Variants in PLXDC2 observed in about 807,000 individuals in gnomAD.
PLXDC2 encodes the protein plexin domain-containing protein 2.
PLXDC2 carries 40 observed loss-of-function variants against 68.9 expected under a neutral mutation model. The observed-to-expected ratio is 0.58, with a 90% CI of 0.45 to 0.76. The LOEUF (loss-of-function observed/expected upper bound fraction) is 0.76, where lower values mean the gene tolerates loss of function less well. Among genes scored for constraint, PLXDC2 ranks in the 30% least tolerant of loss-of-function variants. The probability of loss-of-function intolerance (pLI) is 0.00; values close to 1 mark genes in which losing one functional copy is unlikely to be tolerated. For missense variants in PLXDC2, 644 were observed against 661.9 expected (o/e 0.97, Z 0.30); for synonymous variants, 243 against 234.2 (o/e 1.04, Z -0.34).
At chr10:20,158,501 CA>C (rs59079629) in intron 6 of PLXDC2, among the ~76,000 whole-genome samples, 521 of 118,662 alleles carry the variant, frequency 4.4e-3, no homozygotes, top group African/African-American at 0.015. Context: ...TCTGTCTCTG[CA>C]AAAAAAAAAA....
At chr10:20,103,503 A>G (rs1385057423) in intron 4 of PLXDC2, among the ~76,000 whole-genome samples, 1 of 152,114 alleles carries the variant, frequency 6.6e-6, no homozygotes, top group Non-Finnish European at 1.5e-5. Flanking sequence ...AGTTTTAACA[A>G]ACCATTAAAA....
At chr10:20,122,936 C>T (rs566707053) in intron 4 of PLXDC2, among the ~76,000 whole-genome samples, 127 of 152,238 alleles carry the variant, frequency 8.3e-4, no homozygotes, top group African/African-American at 3.0e-3. Flanking sequence ...GGGTTGCTGC[C>T]AAACGAGTCA....
At chr10:20,014,679 G>GTATT (rs1479090718) in intron 2 of PLXDC2, among the ~76,000 whole-genome samples, 1 of 152,114 alleles carries the variant, frequency 6.6e-6, no homozygotes, top group Non-Finnish European at 1.5e-5. Context: ...GATTTAGAAT[G>GTATT]TATTTAATAG....
intron 1 of PLXDC2, among the ~76,000 whole-genome samples, chr10:19,979,809 G>A (rs567964201): frequency 2.6e-5 from 4 of 152,320 alleles, no homozygotes; most frequent in Admixed American, 1.3e-4. Context: ...GGTAATGTGA[G>A]CTTCATCTTC....
intron 1 of PLXDC2, among the ~76,000 whole-genome samples, chr10:19,892,082 G>C (rs1026641592): frequency 6.6e-6 from 1 of 152,120 alleles, no homozygotes; most frequent in Non-Finnish European, 1.5e-5. Flanking sequence ...AAATAGTCAA[G>C]TTACATTAAT....
At chr10:19,884,608 G>GT (rs1240974072) in intron 1 of PLXDC2, among the ~76,000 whole-genome samples, 2 of 151,466 alleles carry the variant, frequency 1.3e-5, no homozygotes, top group African/African-American at 4.9e-5. Context: ...ACAGTGTTTG[G>GT]TTTTTTGTTC....
At chr10:20,043,643 G>T (rs1835724871) in intron 2 of PLXDC2, among the ~76,000 whole-genome samples, 1 of 151,888 alleles carries the variant, frequency 6.6e-6, no homozygotes, top group African/African-American at 2.4e-5. Flanking sequence ...CATAAAATCT[G>T]TTATGTAATT....
At chr10:20,251,304 T>C (rs1835672374) in intron 13 of PLXDC2, among the ~76,000 whole-genome samples, 1 of 152,220 alleles carries the variant, frequency 6.6e-6, no homozygotes, top group African/African-American at 2.4e-5. Flanking sequence ...TCTATCACAT[T>C]ATGTACAAGA....
At chr10:19,920,285 AC>A (rs1224931887) in intron 1 of PLXDC2, among the ~76,000 whole-genome samples, 1 of 151,920 alleles carries the variant, frequency 6.6e-6, no homozygotes, top group Non-Finnish European at 1.5e-5. Flanking sequence ...CTAGGGCTCC[AC>A]CCCCACAGAC....
intron 2 of PLXDC2, among the ~76,000 whole-genome samples, chr10:20,019,772 T>C (rs10827928): frequency 0.26 from 38,902 of 152,012 alleles, 5,339 homozygotes; most frequent in East Asian, 0.39. Flanking sequence ...AATTGTGAGA[T>C]AATGAATTTA....
intron 1 of PLXDC2, among the ~76,000 whole-genome samples, chr10:19,892,790 G>T (rs924521888): frequency 5.9e-5 from 9 of 152,018 alleles, no homozygotes; most frequent in Admixed American, 2.0e-4. Context: ...CTGCTGGGCC[G>T]GCACAACAAT....
intron 2 of PLXDC2, among the ~76,000 whole-genome samples, chr10:20,014,641 C>T (rs1265793083): frequency 1.3e-5 from 2 of 151,978 alleles, no homozygotes; most frequent in Admixed American, 1.3e-4. Flanking sequence ...ATTTTGCTCC[C>T]TTGAATAAGT....
At position 20,152,302 on chromosome 10, in the gene PLXDC2, C is replaced by G. The variant is rs568237964; in HGVS notation, c.783+4400C>G. On this transcript the variant is annotated intron_variant, in intron 6 of 13. Transcript: ENST00000377252. ...TGAATACAGATTTGCTCATAATATT[C>G]AGTGTTTCTTCACCAATACCCTGTT... is the stretch of plus-strand genomic sequence containing the variant. Among the ~76,000 whole-genome samples the G allele has an allele frequency of 3.9e-4, 60 of 152,200 alleles. No individual in the cohort carries two copies. In the South Asian group the frequency reaches 4.8e-3, roughly 12 times the overall value.
intron 1 of PLXDC2, among the ~76,000 whole-genome samples, chr10:19,912,003 T>C (rs1304776329): frequency 1.3e-5 from 2 of 152,252 alleles, no homozygotes; most frequent in East Asian, 1.9e-4. Flanking sequence ...GGCTCCACTC[T>C]ATCTTGGCTT....
intron 1 of PLXDC2, among the ~76,000 whole-genome samples, chr10:19,934,741 G>A (rs991323867): frequency 1.3e-5 from 2 of 152,196 alleles, no homozygotes; most frequent in Non-Finnish European, 2.9e-5. Flanking sequence ...CCAATGCAGT[G>A]CCTAACTAGT....
intron 1 of PLXDC2, among the ~76,000 whole-genome samples, chr10:19,994,248 T>G (rs555936275): frequency 6.8e-5 from 8 of 118,170 alleles, no homozygotes; most frequent in Non-Finnish European, 1.4e-4. Flanking sequence ...TCCCATTGTA[T>G]TCTCCTTTTT....
intron 3 of PLXDC2, among the ~76,000 whole-genome samples, chr10:20,055,484 A>G (rs1293155852): frequency 6.6e-6 from 1 of 152,124 alleles, no homozygotes; most frequent in Non-Finnish European, 1.5e-5. Context: ...AGGCAGTTTA[A>G]TTTACTTTCT....
At chr10:19,883,002 G>T (rs892406799) in intron 1 of PLXDC2, among the ~76,000 whole-genome samples, 2 of 147,836 alleles carry the variant, frequency 1.4e-5, no homozygotes, top group African/African-American at 5.0e-5. Context: ...TGTCGCCCAG[G>T]CTGGAGTGCA....
intron 1 of PLXDC2, among the ~76,000 whole-genome samples, chr10:19,955,448 G>A (rs1321932202): frequency 6.6e-6 from 1 of 151,770 alleles, no homozygotes; most frequent in Non-Finnish European, 1.5e-5. Context: ...CTTTCTACAT[G>A]GCACCCATAT....
Sources: allele counts gnomAD v4.1 joint callset (sites outside exome capture counted in the v4.1 genomes callset), GRCh38; gene constraint gnomAD v4.1.1; transcripts MANE v1.5; gene names NCBI Gene and HGNC (gene_info 2026-07-23, HGNC 2026-07-21).